FARP1: variants seen among roughly 807,000 people sequenced by gnomAD.
FARP1 encodes FERM, ARHGEF and pleckstrin domain-containing protein 1.
In FARP1, 52 loss-of-function variants were observed where a neutral mutation model predicts 128.8. The ratio of observed to expected loss-of-function variants is 0.40; its 90% CI spans 0.32 to 0.51. The LOEUF (loss-of-function observed/expected upper bound fraction) is 0.51, where lower values mean the gene tolerates loss of function less well. Among genes scored for constraint, FARP1 ranks in the 20% least tolerant of loss-of-function variants. The probability of loss-of-function intolerance (pLI) is 0.45; values close to 1 mark genes in which losing one functional copy is unlikely to be tolerated. For synonymous variants in FARP1, 580 were observed against 551.8 expected, an observed-to-expected ratio of 1.05 and a Z score of -0.72; for missense variants, 1,333 against 1,367.9, an observed-to-expected ratio of 0.97 and a Z score of 0.40.
At chr13:98,219,918 A>G (rs544242205) in intron 2 of FARP1, among the ~76,000 whole-genome samples, 4 of 151,900 alleles carry the variant, frequency 2.6e-5, no homozygotes, top group Non-Finnish European at 5.9e-5. Context: ...ATCCTCCTGC[A>G]TTGGCCTCCT....
At chr13:98,181,597 ATTAT>A (rs56127904) in intron 1 of FARP1, among the ~76,000 whole-genome samples, 30,105 of 135,132 alleles carry the variant, frequency 0.22, 4,082 homozygotes, top group Non-Finnish European at 0.28. Flanking sequence ...TAGAAATAAT[ATTAT>A]TTATTTATTT....
intron 8 of FARP1, among the ~76,000 whole-genome samples, chr13:98,387,402 G>A (rs909238861): frequency 1.3e-5 from 2 of 152,190 alleles, no homozygotes; most frequent in Non-Finnish European, 2.9e-5. Context: ...GAAAAGAAGT[G>A]TCTCACAATT....
intron 2 of FARP1, among the ~76,000 whole-genome samples, chr13:98,243,690 C>T (rs1882906883): frequency 7.5e-6 from 1 of 132,610 alleles, no homozygotes. Flanking sequence ...GAGAGAGACT[C>T]CATCTCAAAA....
intron 1 of FARP1, among the ~76,000 whole-genome samples, chr13:98,148,538 T>A (rs901966608): frequency 6.6e-6 from 1 of 152,262 alleles, no homozygotes; most frequent in Admixed American, 6.5e-5. Flanking sequence ...AATTGTTTTA[T>A]ATGGTACTTG....
Position 98,214,837 on chromosome 13 carries a change from GCA to G in FARP1, c.171+1425_171+1426del, listed in dbSNP as rs1566751342. Among the ~76,000 whole-genome samples the G allele has an allele frequency of 8.7e-3, 1,325 of 152,010 alleles. 21 individuals carry two copies. The highest frequency in any genetic ancestry group is 0.03 in the African/African-American group (1,262 of 41,470). On this transcript the variant is annotated intron_variant, in intron 2 of 26. Coordinates refer to ENST00000319562, the MANE Select transcript of FARP1 (RefSeq NM_005766.4). Reference sequence around the variant, plus strand: ...GACTGTTGAGGAGAGCCCCTGCCATGCAGTTAGAATTGGGCCTCCTGGCACAC... The same window carrying G: ...GACTGTTGAGGAGAGCCCCTGCCATGGTTAGAATTGGGCCTCCTGGCACAC...
intron 5 of FARP1, among the ~76,000 whole-genome samples, chr13:98,371,118 A>G (rs183397833): frequency 6.6e-6 from 1 of 152,110 alleles, no homozygotes; most frequent in African/African-American, 2.4e-5. Flanking sequence ...TGGAATAAGT[A>G]GCATCGGTAG....
intron 2 of FARP1, among the ~76,000 whole-genome samples, chr13:98,325,070 T>C (rs1329472253): frequency 1.3e-5 from 2 of 152,206 alleles, no homozygotes; most frequent in Non-Finnish European, 2.9e-5. Context: ...CACTCTGTCA[T>C]GAACTATGGG....
At chr13:98,291,274 G>A (rs191290613) in intron 2 of FARP1, among the ~76,000 whole-genome samples, 87 of 152,242 alleles carry the variant, frequency 5.7e-4, no homozygotes, top group Non-Finnish European at 9.7e-4. Flanking sequence ...ATACATTTAC[G>A]ATTTGTTTAA....
intron 18 of FARP1, 128 bp from the exon 19 acceptor site, chr13:98,435,448 T>C: frequency 4.5e-6 from 4 of 897,580 alleles, no homozygotes; most frequent in Non-Finnish European, 6.6e-6. Context: ...CTGTTTTTGC[T>C]CAAAAGACAC....
intron 2 of FARP1, among the ~76,000 whole-genome samples, chr13:98,305,727 C>T (rs1469809194): frequency 6.6e-6 from 1 of 152,212 alleles, no homozygotes; most frequent in African/African-American, 2.4e-5. Flanking sequence ...CAATAATCCA[C>T]CTTCACTAAG....
intron 2 of FARP1, among the ~76,000 whole-genome samples, chr13:98,324,452 T>A (rs575404808): frequency 5.2e-4 from 79 of 152,382 alleles, no homozygotes; most frequent in African/African-American, 1.9e-3. Context: ...CAAGTTGTTA[T>A]GAAGCTGAAA....
intron 12 of FARP1, 115 bp from the exon 13 acceptor site, chr13:98,395,112 T>C (rs1594484905): frequency 7.8e-7 from 1 of 1,277,420 alleles, no homozygotes; most frequent in Non-Finnish European, 1.1e-6. Flanking sequence ...GGGGCAGTTC[T>C]CCCGCCGCAG....
At chr13:98,438,761 T>C (rs775506595) in intron 19 of FARP1, 43 bp from the exon 20 acceptor site, 2 of 1,554,324 alleles carry the variant, frequency 1.3e-6, no homozygotes, top group Non-Finnish European at 8.9e-7. Context: ...GCCCTTGGGG[T>C]CCGCACGCTC....
intron 5 of FARP1, among the ~76,000 whole-genome samples, chr13:98,376,779 T>G (rs1265720520): frequency 1.1e-5 from 1 of 90,592 alleles, no homozygotes; most frequent in Non-Finnish European, 2.3e-5. Context: ...TTTTTTTTTT[T>G]GCCACATCCA....
chr13:98,144,667 C>T (rs1375889018), intron 1 of FARP1, among the ~76,000 whole-genome samples: 2 of 152,190 alleles, frequency 1.3e-5, no homozygotes, highest in Non-Finnish European at 2.9e-5. Flanking sequence ...ACTTGCGGAG[C>T]CCATTTCAGA....
intron 1 of FARP1, among the ~76,000 whole-genome samples, chr13:98,143,986 C>A (rs1875298888): frequency 6.6e-6 from 1 of 152,086 alleles, no homozygotes; most frequent in East Asian, 1.9e-4. Flanking sequence ...GGGTTCCCGG[C>A]GGGTGACAAA....
chr13:98,324,346 C>T (rs932219180), intron 2 of FARP1, among the ~76,000 whole-genome samples: 13 of 152,152 alleles, frequency 8.5e-5, no homozygotes, highest in Admixed American at 3.3e-4. Context: ...AAGCGAAACA[C>T]GGTTCCTGCT....
chr13:98,181,211 A>G (rs1329189304), intron 1 of FARP1, among the ~76,000 whole-genome samples: 1 of 152,194 alleles, frequency 6.6e-6, no homozygotes, highest in Non-Finnish European at 1.5e-5. Flanking sequence ...GAAGGAAAAA[A>G]TTGGGATGAA....
At chr13:98,345,848 G>T (rs1187205868) in intron 3 of FARP1, among the ~76,000 whole-genome samples, 1 of 152,218 alleles carries the variant, frequency 6.6e-6, no homozygotes, top group Non-Finnish European at 1.5e-5. Flanking sequence ...ATATGTGAAT[G>T]AATACATGTG....
Sources: allele counts gnomAD v4.1 joint callset (sites outside exome capture counted in the v4.1 genomes callset), GRCh38; gene constraint gnomAD v4.1.1; transcripts MANE v1.5; gene names NCBI Gene and HGNC (gene_info 2026-07-23, HGNC 2026-07-21).